Variants in PRKD1 observed in about 807,000 individuals in gnomAD.
PRKD1 encodes protein kinase D1.
In PRKD1, 63 loss-of-function variants were observed where a neutral mutation model predicts 95.9. That is an observed-to-expected ratio of 0.66 (90% CI 0.54 to 0.81). The LOEUF is 0.81. Among genes scored for constraint, PRKD1 ranks in the 30% least tolerant of loss-of-function variants. PRKD1 has a pLI of 0.00. For synonymous variants in PRKD1, 425 were observed against 423.1 expected (o/e 1.00, Z -0.05); for missense variants, 1,048 against 1,165.3 (o/e 0.90, Z 1.47).
chr14:29,646,237 T>C lies in PRKD1; in HGVS notation c.697-7333A>G, dbSNP rs1208180966. On this transcript the variant is annotated intron_variant, in intron 4 of 17. Coordinates refer to ENST00000331968, the MANE Select transcript of PRKD1 (RefSeq NM_002742.3). ...TGTGCATTATTAGTAATTAAAATTT[T>C]GTTTGGGTGTGGGATGGGGAGGAAG... Among the ~76,000 whole-genome samples the C allele has an allele frequency of 2.0e-5, 3 of 152,124 alleles. No homozygotes were observed. The East Asian group carries it at 5.8e-4, about 29-fold the overall frequency.
At chr14:29,686,865 G>A (rs1261630807) in intron 2 of PRKD1, among the ~76,000 whole-genome samples, 1 of 152,184 alleles carries the variant, frequency 6.6e-6, no homozygotes, top group Admixed American at 6.5e-5. Flanking sequence ...CGCTACTTGA[G>A]GTTAGGGTTG....
chr14:29,884,995 C>T lies in PRKD1; in HGVS notation c.264+42254G>A, dbSNP rs978400902. ...AAAATTAGCCGGGCATCGTGGTGGG[C>T]GCCTGTAGTCCCAGCTACTCAGGAG... On this transcript the variant is annotated intron_variant, in intron 1 of 17. Transcript: ENST00000331968. 4.6e-5 allele frequency among the ~76,000 whole-genome samples: 7 copies of T among 151,876 alleles called. No homozygotes were observed. The East Asian group carries it at 5.8e-4, about 13-fold the overall frequency.
At chr14:29,801,211 A>C (rs1029166876) in intron 1 of PRKD1, among the ~76,000 whole-genome samples, 6 of 152,158 alleles carry the variant, frequency 3.9e-5, no homozygotes, top group Non-Finnish European at 7.3e-5. Context: ...ACTTCTTTTC[A>C]GTTTTTGTTC....
intron 5 of PRKD1, 31 bp downstream of exon 5, chr14:29,638,663 A>G (rs1221209613): frequency 1.9e-6 from 3 of 1,612,526 alleles, no homozygotes; most frequent in Non-Finnish European, 2.5e-6. Context: ...GAGGGTGATC[A>G]AAGTTCGACA....
intron 1 of PRKD1, among the ~76,000 whole-genome samples, chr14:29,818,916 TTAAGTC>T (rs1455304390): frequency 6.6e-6 from 1 of 152,142 alleles, no homozygotes; most frequent in African/African-American, 2.4e-5. Flanking sequence ...CATTAGTACT[TTAAGTC>T]TAACTACCAG....
At chr14:29,816,231 A>G (rs1890689568) in intron 1 of PRKD1, among the ~76,000 whole-genome samples, 1 of 152,114 alleles carries the variant, frequency 6.6e-6, no homozygotes, top group South Asian at 2.1e-4. Flanking sequence ...ATCTCAGTAA[A>G]TAAATAAATA....
At chr14:29,824,077 A>T (rs1891022712) in intron 1 of PRKD1, among the ~76,000 whole-genome samples, 1 of 152,156 alleles carries the variant, frequency 6.6e-6, no homozygotes, top group Non-Finnish European at 1.5e-5. Context: ...TGCATTTTTA[A>T]ATCAGGTTGT....
intron 1 of PRKD1, among the ~76,000 whole-genome samples, chr14:29,828,866 G>A (rs866265828): frequency 3.3e-5 from 5 of 152,162 alleles, no homozygotes; most frequent in South Asian, 4.1e-4. Flanking sequence ...ATCTGGACAG[G>A]CTTATAATTG....
intron 1 of PRKD1, among the ~76,000 whole-genome samples, chr14:29,726,845 A>G (rs1285066563): frequency 1.3e-5 from 2 of 151,750 alleles, no homozygotes; most frequent in African/African-American, 2.4e-5. Context: ...GCTAACTAAA[A>G]GAAAAAAAAA....
intron 1 of PRKD1, among the ~76,000 whole-genome samples, chr14:29,779,721 T>A (rs1420278141): frequency 1.3e-5 from 2 of 152,114 alleles, no homozygotes; most frequent in African/African-American, 4.8e-5. Context: ...CCCAAGGTAA[T>A]TTATAGATTC....
At chr14:29,821,026 G>C (rs1890890089) in intron 1 of PRKD1, among the ~76,000 whole-genome samples, 1 of 152,170 alleles carries the variant, frequency 6.6e-6, no homozygotes, top group African/African-American at 2.4e-5. Context: ...GGGAAAAGAT[G>C]AAGTCAGCTT....
intron 12 of PRKD1, 116 bp downstream of exon 12, chr14:29,626,368 C>A: frequency 1.2e-6 from 1 of 829,158 alleles, no homozygotes; most frequent in South Asian, 1.9e-5. Context: ...AAGATACACA[C>A]ACAGAAATAT....
At position 29,580,363 on chromosome 14, in the gene PRKD1, A is replaced by G. The variant is rs1892714352; in HGVS notation, c.2435-2003T>C. Among the ~76,000 whole-genome samples, 6 of 152,294 alleles carry G rather than the reference A, an allele frequency of 3.9e-5. No homozygotes were observed. The South Asian group carries it at 1.2e-3, about 32-fold the overall frequency. On this transcript the variant is annotated intron_variant, in intron 16 of 17. Transcript: ENST00000331968. Reference sequence around the variant, plus strand: ...TACGCCACAGTACCCAACCCAAGTGACCTGAGTAAGCACAACAAGGCAATG... The same window carrying G: ...TACGCCACAGTACCCAACCCAAGTGGCCTGAGTAAGCACAACAAGGCAATG...
chr14:29,632,796 A>G (rs975651834), intron 9 of PRKD1, 73 bp downstream of exon 9: 4 of 1,367,114 alleles, frequency 2.9e-6, no homozygotes, highest in African/African-American at 1.5e-5. Flanking sequence ...TGTATTTCCT[A>G]TTTCTTATAC....
intron 1 of PRKD1, among the ~76,000 whole-genome samples, chr14:29,797,008 T>C (rs942413193): frequency 6.6e-6 from 1 of 152,160 alleles, no homozygotes; most frequent in Non-Finnish European, 1.5e-5. Flanking sequence ...ACAACCTTAA[T>C]CCAATTTAGA....
At chr14:29,630,607 C>T in intron 10 of PRKD1, 135 bp downstream of exon 10, 2 of 1,122,494 alleles carry the variant, frequency 1.8e-6, no homozygotes, top group East Asian at 2.5e-5. Context: ...AGACACCCTA[C>T]ATTCTACAAT....
intron 1 of PRKD1, among the ~76,000 whole-genome samples, chr14:29,832,301 C>T (rs1044007502): frequency 5.3e-5 from 8 of 152,272 alleles, no homozygotes; most frequent in South Asian, 2.1e-4. Context: ...CCTTATTTTA[C>T]GCATTTCCCT....
chr14:29,886,494 A>G (rs924554712), intron 1 of PRKD1, among the ~76,000 whole-genome samples: 7 of 152,248 alleles, frequency 4.6e-5, no homozygotes, highest in Admixed American at 1.3e-4. Context: ...CCATAGTTCT[A>G]CTAAACTGGT....
chr14:29,707,147 T>C (rs889845875), intron 2 of PRKD1, among the ~76,000 whole-genome samples: 1 of 152,186 alleles, frequency 6.6e-6, no homozygotes, highest in Non-Finnish European at 1.5e-5. Context: ...AACAATTTCA[T>C]AAATAATGTA....
Sources: allele counts gnomAD v4.1 joint callset (sites outside exome capture counted in the v4.1 genomes callset), GRCh38; gene constraint gnomAD v4.1.1; transcripts MANE v1.5; gene names NCBI Gene and HGNC (gene_info 2026-07-23, HGNC 2026-07-21).